WNT9B: variants seen among roughly 807,000 people sequenced by gnomAD.
WNT9B encodes Wnt family member 9B.
In WNT9B, 12 loss-of-function variants were observed where a neutral mutation model predicts 30.2. The ratio of observed to expected loss-of-function variants is 0.40; its 90% CI spans 0.26 to 0.64. The LOEUF is 0.64. WNT9B is among the 30% of genes least tolerant of loss of function. The pLI, the probability that WNT9B is intolerant of heterozygous loss-of-function variation, is 0.42. For synonymous variants in WNT9B, 218 were observed against 216.9 expected, an observed-to-expected ratio of 1.01 and a Z score of -0.05; for missense variants, 442 against 485.2, an observed-to-expected ratio of 0.91 and a Z score of 0.84.
rs942298272 is a variant in WNT9B at position 46,880,143 on chromosome 17, C to T, written c.*3425C>T. ...GAGGGAGTCTAATGGACAGGATGCC[C>T]CAAGTGCCCCCGTTGCTCATGGATG... On this transcript the variant is annotated 3_prime_UTR_variant, in exon 4 of 4. Coordinates refer to ENST00000290015, the MANE Select transcript of WNT9B (RefSeq NM_003396.3). Among the ~76,000 whole-genome samples the T allele has an allele frequency of 2.0e-5, 3 of 152,178 alleles. No homozygotes were observed. The highest frequency in any genetic ancestry group is 4.8e-5 in the African/African-American group (2 of 41,428).
At chr17:46,869,412 G>A (rs1040008602) in intron 1 of WNT9B, among the ~76,000 whole-genome samples, 3 of 152,322 alleles carry the variant, frequency 2.0e-5, no homozygotes, top group African/African-American at 7.2e-5. Flanking sequence ...TGGGCATCGC[G>A]GACATTGTGG....
intron 1 of WNT9B, among the ~76,000 whole-genome samples, chr17:46,861,203 G>A (rs1023181075): frequency 5.3e-5 from 8 of 152,188 alleles, no homozygotes; most frequent in African/African-American, 1.9e-4. Flanking sequence ...GCATGTCCTG[G>A]GCATCTGTTG....
intron 1 of WNT9B, among the ~76,000 whole-genome samples, chr17:46,866,509 C>T (rs909584036): frequency 2.0e-5 from 3 of 151,662 alleles, no homozygotes; most frequent in African/African-American, 7.3e-5. Flanking sequence ...TCAGTGAGGG[C>T]CAGGAGAGGT....
At chr17:46,834,295 T>C (rs573900955) in intron 1 of WNT9B, among the ~76,000 whole-genome samples, 2 of 152,260 alleles carry the variant, frequency 1.3e-5, no homozygotes, top group African/African-American at 4.8e-5. Context: ...GGAAGTGGTG[T>C]CCTGGGCAGT....
At chr17:46,857,137 A>G (rs534693121) in intron 1 of WNT9B, among the ~76,000 whole-genome samples, 1 of 152,262 alleles carries the variant, frequency 6.6e-6, no homozygotes, top group Admixed American at 6.5e-5. Flanking sequence ...GTATGGCTAT[A>G]CCACAAATTA....
chr17:46,848,415 AC>A (rs1181382741), upstream of WNT9B, among the ~76,000 whole-genome samples: 1 of 152,258 alleles, frequency 6.6e-6, no homozygotes, highest in African/African-American at 2.4e-5. Flanking sequence ...CTCTGGAGAC[AC>A]AGAGAGAAGT....
intron 1 of WNT9B, among the ~76,000 whole-genome samples, chr17:46,845,308 C>T (rs2084763068): frequency 6.6e-6 from 1 of 151,968 alleles, no homozygotes. Flanking sequence ...TGCCACCTGC[C>T]CAGCCATCTC....
At chr17:46,865,006 T>A (rs1306513715) in intron 1 of WNT9B, among the ~76,000 whole-genome samples, 3 of 152,140 alleles carry the variant, frequency 2.0e-5, no homozygotes, top group Non-Finnish European at 4.4e-5. Context: ...GGGGTAGATG[T>A]TTACAGTCAC....
chr17:46,847,527 G>A (rs565458120), upstream of WNT9B, among the ~76,000 whole-genome samples: 45 of 152,338 alleles, frequency 3.0e-4, no homozygotes, highest in Admixed American at 2.9e-3. Flanking sequence ...ATAAGGCTAT[G>A]ACAAGAAGGC....
At chr17:46,865,033 T>G (rs891463816) in intron 1 of WNT9B, among the ~76,000 whole-genome samples, 1 of 152,214 alleles carries the variant, frequency 6.6e-6, no homozygotes, top group African/African-American at 2.4e-5. Context: ...ATAGAGGTGA[T>G]GGATCCTTCT....
intron 1 of WNT9B, among the ~76,000 whole-genome samples, chr17:46,855,691 A>G (rs1342452052): frequency 6.6e-6 from 1 of 152,162 alleles, no homozygotes; most frequent in Non-Finnish European, 1.5e-5. Context: ...CAGTTACCCA[A>G]TCCAGTCTAT....
chr17:46,884,370 C>G (rs1404320724), downstream of WNT9B, among the ~76,000 whole-genome samples: 1 of 152,248 alleles, frequency 6.6e-6, no homozygotes, highest in Non-Finnish European at 1.5e-5. Flanking sequence ...GGTGCCGCCC[C>G]CGCCCCACAC....
chr17:46,840,000 C>CTTCTTTCTTTCT lies in WNT9B; in HGVS notation c.95+6583_95+6594dup, dbSNP rs71138556. On this transcript the variant is annotated intron_variant, in intron 1 of 2. Coordinates refer to the WNT9B transcript ENST00000575372. ...TCTCTTCTTTCTTTCTTTTTTCTTT[C>CTTCTTTCTTTCT]TTCTTTCTTTCTTTCTTTCTTTCTT... 1.3e-3 allele frequency among the ~76,000 whole-genome samples: 161 copies of CTTCTTTCTTTCT among 125,160 alleles called. 5 individuals carry two copies. The highest frequency in any genetic ancestry group is 5.1e-3 in the African/African-American group (156 of 30,644). 82.1% of individuals were successfully genotyped at this position (125,160 alleles called of 152,430 possible). A position where few individuals can be genotyped will look rare whatever the true frequency, so the allele number is the denominator to read the frequency against.
chr17:46,860,005 A>C (rs2085008301), intron 1 of WNT9B, among the ~76,000 whole-genome samples: 1 of 152,334 alleles, frequency 6.6e-6, no homozygotes, highest in South Asian at 2.1e-4. Context: ...GGGGCCTGAG[A>C]AAAACATAGT....
At chr17:46,857,549 C>T (rs903089375) in intron 1 of WNT9B, among the ~76,000 whole-genome samples, 1 of 148,638 alleles carries the variant, frequency 6.7e-6, no homozygotes, top group Non-Finnish European at 1.5e-5. Flanking sequence ...CTGGTATAAA[C>T]ATCCATGTAC....
intron 1 of WNT9B, among the ~76,000 whole-genome samples, chr17:46,842,326 G>C (rs1274334182): frequency 6.6e-6 from 1 of 152,170 alleles, no homozygotes; most frequent in Non-Finnish European, 1.5e-5. Flanking sequence ...TCCTAGGGCA[G>C]GGGCTGCTGC....
chr17:46,874,905 C>A, intron 2 of WNT9B, 196 bp from the exon 3 acceptor site: 1 of 809,642 alleles, frequency 1.2e-6, no homozygotes. Context: ...TGGCAACTTG[C>A]AGTCAGAATT....
rs531561496 is a variant in WNT9B at position 46,839,792 on chromosome 17, T to C, written c.95+6352T>C. 1.4e-3 allele frequency among the ~76,000 whole-genome samples: 207 copies of C among 152,230 alleles called. 1 individual carries two copies. The highest frequency in any genetic ancestry group is 2.2e-3 in the Non-Finnish European group (149 of 68,024). ...ACATGCAGTGTTTGGTTTTCTATCC[T>C]TGTGATAGTTTGCTGAGAATGATGG... On this transcript the variant is annotated intron_variant, in intron 1 of 2. Coordinates refer to the WNT9B transcript ENST00000575372.
intron 1 of WNT9B, among the ~76,000 whole-genome samples, chr17:46,855,730 G>A (rs148238577): frequency 3.9e-5 from 6 of 152,274 alleles, no homozygotes; most frequent in African/African-American, 7.2e-5. Flanking sequence ...ACGGAGTCTC[G>A]CTCTGTCACC....
Sources: allele counts gnomAD v4.1 joint callset (sites outside exome capture counted in the v4.1 genomes callset), GRCh38; gene constraint gnomAD v4.1.1; transcripts MANE v1.5; gene names NCBI Gene and HGNC (gene_info 2026-07-23, HGNC 2026-07-21).